The following PTPRT variants were observed in gnomAD, a reference collection of about 807,000 sequenced individuals.
The protein encoded by PTPRT is protein tyrosine phosphatase receptor type T.
Under a neutral mutation model 176.8 loss-of-function variants are expected in PTPRT, and 56 were observed. The ratio of observed to expected loss-of-function variants is 0.32; its 90% CI spans 0.26 to 0.40. PTPRT has a LOEUF of 0.40. PTPRT is among the 10% of genes least tolerant of loss of function. PTPRT has a pLI of 1.00. For synonymous variants in PTPRT, 783 were observed against 739.0 expected (o/e 1.06, Z -0.96); for missense variants, 1,540 against 1,908.2 (o/e 0.81, Z 3.60).
chr20:43,043,609 G>A (rs1328484660), intron 1 of PTPRT, among the ~76,000 whole-genome samples: 3 of 152,124 alleles, frequency 2.0e-5, no homozygotes, highest in Non-Finnish European at 4.4e-5. Context: ...CCCGCCTTGA[G>A]CCTTTCTGCC....
chr20:42,949,033 G>A (rs1224041445), intron 1 of PTPRT, among the ~76,000 whole-genome samples: 1 of 152,102 alleles, frequency 6.6e-6, no homozygotes, highest in African/African-American at 2.4e-5. Context: ...TGGATATCCT[G>A]CCAACTACAA....
intron 17 of PTPRT, among the ~76,000 whole-genome samples, chr20:42,154,839 G>A (rs1289915943): frequency 6.6e-6 from 1 of 152,206 alleles, no homozygotes; most frequent in Non-Finnish European, 1.5e-5. Context: ...TGTAACAGGG[G>A]AAGGTGGGAG....
At chr20:42,267,707 G>T (rs1464858959) in intron 13 of PTPRT, among the ~76,000 whole-genome samples, 1 of 152,028 alleles carries the variant, frequency 6.6e-6, no homozygotes, top group Non-Finnish European at 1.5e-5. Flanking sequence ...CCCTGCCACC[G>T]GCCCCCAACA....
chr20:43,049,725 TC>T (rs1343878489), intron 1 of PTPRT, among the ~76,000 whole-genome samples: 2 of 152,266 alleles, frequency 1.3e-5, no homozygotes, highest in African/African-American at 2.4e-5. Context: ...AAATAAGCTT[TC>T]CTGGGGGCAA....
chr20:43,074,119 G>A (rs2011221306), intron 1 of PTPRT, among the ~76,000 whole-genome samples: 1 of 152,022 alleles, frequency 6.6e-6, no homozygotes, highest in African/African-American at 2.4e-5. Context: ...TGGGCCGAGT[G>A]GCAATTAGGA....
At chr20:42,099,178 TCATTCATC>T (rs112539359) in intron 26 of PTPRT, among the ~76,000 whole-genome samples, 3,448 of 152,296 alleles carry the variant, frequency 0.023, 128 homozygotes, top group African/African-American at 0.077. Context: ...GCCCATTTAT[TCATTCATC>T]CATTCATCCA....
chr20:42,086,010 C>T (rs1206571524), intron 27 of PTPRT, among the ~76,000 whole-genome samples, 157 bp from the exon 28 acceptor site: 1 of 151,434 alleles, frequency 6.6e-6, no homozygotes, highest in Non-Finnish European at 1.5e-5. Flanking sequence ...TGCATTGGCA[C>T]GATTTTGGCT....
chr20:42,968,344 T>C (rs1234159063), intron 1 of PTPRT, among the ~76,000 whole-genome samples: 3 of 152,206 alleles, frequency 2.0e-5, no homozygotes, highest in Non-Finnish European at 4.4e-5. Flanking sequence ...TTCATCCTTA[T>C]CTGATTCATC....
chr20:42,739,450 G>A (rs2076577060), intron 6 of PTPRT, among the ~76,000 whole-genome samples: 1 of 152,102 alleles, frequency 6.6e-6, no homozygotes. Flanking sequence ...GCATGGCAGT[G>A]GTGAGCCAAG....
At chr20:43,139,033 T>C (rs2013921442) in intron 1 of PTPRT, among the ~76,000 whole-genome samples, 1 of 152,248 alleles carries the variant, frequency 6.6e-6, no homozygotes, top group South Asian at 2.1e-4. Context: ...GATTCTACTA[T>C]GAAGCCCTAA....
chr20:42,965,716 C>T (rs1181303331), intron 1 of PTPRT, among the ~76,000 whole-genome samples: 1 of 152,172 alleles, frequency 6.6e-6, no homozygotes, highest in Non-Finnish European at 1.5e-5. Flanking sequence ...GCACACAAAG[C>T]TCACAGATGG....
At chr20:42,654,388 G>C (rs976192952) in intron 7 of PTPRT, among the ~76,000 whole-genome samples, 1 of 152,126 alleles carries the variant, frequency 6.6e-6, no homozygotes, top group Non-Finnish European at 1.5e-5. Context: ...GCAACTTAGG[G>C]AGGACCTCTC....
chr20:42,261,174 G>A (rs985262326), intron 13 of PTPRT, among the ~76,000 whole-genome samples: 1 of 152,144 alleles, frequency 6.6e-6, no homozygotes, highest in Non-Finnish European at 1.5e-5. Flanking sequence ...TGAGACTGTG[G>A]CAGAACTCTT....
chr20:42,633,365 C>G (rs1239183239), intron 7 of PTPRT, among the ~76,000 whole-genome samples: 2 of 152,122 alleles, frequency 1.3e-5, no homozygotes, highest in African/African-American at 4.8e-5. Flanking sequence ...TGGAAAAACA[C>G]ATGACTGTGC....
intron 2 of PTPRT, among the ~76,000 whole-genome samples, chr20:42,793,249 G>T (rs1330845138): frequency 2.0e-5 from 3 of 152,152 alleles, no homozygotes; most frequent in South Asian, 2.1e-4. Flanking sequence ...TTGCATAGTG[G>T]CAGAGTCCGG....
In PTPRT at chr20:42,075,666, C is replaced by T. The variant is rs1982700851; in HGVS notation, c.*5213G>A. 4.7e-6 allele frequency: 1 copy of T among 211,842 alleles called. No homozygotes were observed. The highest frequency in any genetic ancestry group is 9.6e-6 in the Non-Finnish European group (1 of 104,536). The allele number at this position is 211,842 out of a possible 1,614,324, so 13.1% of individuals were successfully genotyped here. ...ACAGGATAAGGGCCTGGCTGCTACT[C>T]CCTGGGCCTCACTTCTGTTGTGTAG... On this transcript the variant is annotated 3_prime_UTR_variant, in exon 31 of 31. Transcript: ENST00000373187.
At chr20:42,779,754 T>C (rs1319336130) in intron 4 of PTPRT, among the ~76,000 whole-genome samples, 1 of 152,138 alleles carries the variant, frequency 6.6e-6, no homozygotes, top group Non-Finnish European at 1.5e-5. Context: ...CTGATGAGTA[T>C]ATTTAAAATT....
At chr20:42,055,349 C>T in the PTPRT span, among the ~76,000 whole-genome samples, 1 of 152,198 alleles carries the variant, frequency 6.6e-6, no homozygotes, top group Non-Finnish European at 1.5e-5. Context: ...CTCATGCATT[C>T]TTTTGATGAC....
chr20:42,368,648 G>A (rs1242909417), intron 9 of PTPRT, among the ~76,000 whole-genome samples: 2 of 152,186 alleles, frequency 1.3e-5, no homozygotes, highest in African/African-American at 4.8e-5. Context: ...TTGAAGGTGT[G>A]TAACTAAAAG....
Sources: allele counts gnomAD v4.1 joint callset (sites outside exome capture counted in the v4.1 genomes callset), GRCh38; gene constraint gnomAD v4.1.1; transcripts MANE v1.5; gene names NCBI Gene and HGNC (gene_info 2026-07-23, HGNC 2026-07-21).